The following SMOC2 variants were observed in gnomAD, a reference collection of about 807,000 sequenced individuals.
SMOC2 encodes the protein SPARC-related modular calcium-binding protein 2.
Under a neutral mutation model 61.4 loss-of-function variants are expected in SMOC2, and 39 were observed. The ratio of observed to expected loss-of-function variants is 0.64; its 90% CI spans 0.49 to 0.83. SMOC2 has a LOEUF of 0.83. Among genes scored for constraint, SMOC2 ranks in the 40% least tolerant of loss-of-function variants. The pLI, the probability that SMOC2 is intolerant of heterozygous loss-of-function variation, is 0.00. For synonymous variants in SMOC2, 247 were observed against 239.9 expected, an observed-to-expected ratio of 1.03 and a Z score of -0.27; for missense variants, 556 against 592.9, an observed-to-expected ratio of 0.94 and a Z score of 0.65.
intron 9 of SMOC2, among the ~76,000 whole-genome samples, chr6:168,623,348 T>TTTTTTTTG (rs1786294156): frequency 2.0e-5 from 3 of 148,534 alleles, no homozygotes; most frequent in Non-Finnish European, 3.0e-5. Flanking sequence ...TTTTTTTTTT[T>TTTTTTTTG]GAGACAGAGT....
chr6:168,554,769 C>T (rs1784208002), intron 7 of SMOC2, among the ~76,000 whole-genome samples: 1 of 152,172 alleles, frequency 6.6e-6, no homozygotes, highest in Admixed American at 6.5e-5. Flanking sequence ...CCTGATGGAG[C>T]CATGCTGCCA....
At chr6:168,456,170 TCTG>T (rs1182118059) in intron 1 of SMOC2, among the ~76,000 whole-genome samples, 3 of 152,260 alleles carry the variant, frequency 2.0e-5, no homozygotes, top group Non-Finnish European at 4.4e-5. Context: ...AGTGACTTCA[TCTG>T]CTTCTGGTTC....
rs144544601 is a variant in SMOC2 at position 168,494,854 on chromosome 6, T to C, written c.85-15061T>C. 3.7e-3 allele frequency among the ~76,000 whole-genome samples: 564 copies of C among 152,304 alleles called. 5 individuals carry two copies. Among genetic ancestry groups the C allele is most frequent in the Middle Eastern group, 6.8e-3 (2 of 294 alleles). ...CTGCTGGGATGGAATCACAGCCTTGTCTAAGTGCACTGGGCCTGGGAGGGC... is the reference window on the plus strand; with the variant it reads ...CTGCTGGGATGGAATCACAGCCTTGCCTAAGTGCACTGGGCCTGGGAGGGC... On this transcript the variant is annotated intron_variant, in intron 1 of 12. Coordinates refer to ENST00000356284, the MANE Select transcript of SMOC2 (RefSeq NM_001166412.2).
chr6:168,553,007 C>T lies in SMOC2; in HGVS notation c.637+3804C>T, dbSNP rs892171879. On this transcript the variant is annotated intron_variant, in intron 7 of 12. Transcript: ENST00000356284. The surrounding 1 kb of genome is among the most constrained non-coding windows in gnomAD (Gnocchi z 4.2). ...AAGATTTGTACCAGCATATGTTCCA[C>T]GGGCCCTACTGTAGCATCATTACTC... 5.3e-5 allele frequency among the ~76,000 whole-genome samples: 8 copies of T among 152,120 alleles called. No homozygotes were observed. The East Asian group carries it at 5.8e-4, about 11-fold the overall frequency.
chr6:168,547,868 G>A (rs911817108), intron 6 of SMOC2, among the ~76,000 whole-genome samples: 25 of 152,056 alleles, frequency 1.6e-4, no homozygotes, highest in African/African-American at 4.3e-4. Context: ...TGAGGGTTTC[G>A]TTAAATACAC....
At chr6:168,552,900 C>T (rs992761961) in intron 7 of SMOC2, among the ~76,000 whole-genome samples, 1 of 150,646 alleles carries the variant, frequency 6.6e-6, no homozygotes, top group African/African-American at 2.4e-5. Context: ...CACTGTCCTC[C>T]GAGATGCTCT....
chr6:168,553,113 G>A lies in SMOC2; in HGVS notation c.637+3910G>A, dbSNP rs530640755. Among the ~76,000 whole-genome samples the A allele has an allele frequency of 6.6e-6, 1 of 152,260 alleles. No homozygotes were observed. The highest frequency in any genetic ancestry group is 2.1e-4 in the South Asian group (1 of 4,826). On this transcript the variant is annotated intron_variant, in intron 7 of 12. Coordinates refer to ENST00000356284, the MANE Select transcript of SMOC2 (RefSeq NM_001166412.2). This position sits in a 1 kb window ranked among gnomAD's most constrained non-coding sequence, Gnocchi z 4.2. Reference sequence around the variant, plus strand: ...AAAAGAGAGAATCTAGGCACCCCTAGAGGTTGCCTATTAGACTTATATTGA... The same window carrying A: ...AAAAGAGAGAATCTAGGCACCCCTAAAGGTTGCCTATTAGACTTATATTGA...
chr6:168,613,726 C>A (rs541335564), intron 9 of SMOC2, among the ~76,000 whole-genome samples: 3 of 120,320 alleles, frequency 2.5e-5, no homozygotes, highest in South Asian at 3.1e-4. Context: ...CCTCTTCACA[C>A]CTACAGCCAG....
chr6:168,527,870 C>T (rs575215069), intron 4 of SMOC2, 143 bp downstream of exon 4: 52 of 647,644 alleles, frequency 8.0e-5, no homozygotes, highest in African/African-American at 4.5e-4. Flanking sequence ...GAATAGATCT[C>T]GTCACTGACA....
Position 168,535,843 on chromosome 6 carries a change from C to T in SMOC2, c.464-7782C>T, listed in dbSNP as rs537084296. On this transcript the variant is annotated intron_variant, in intron 4 of 12. Coordinates refer to ENST00000356284, the MANE Select transcript of SMOC2 (RefSeq NM_001166412.2). This position sits in a 1 kb window ranked among gnomAD's most constrained non-coding sequence, Gnocchi z 4.6. ...GATCCTGGGGACACGTGAGGAATAA[C>T]GCAGCAGTGATGCAGCTTCACGGCA... Among the ~76,000 whole-genome samples, 33 of 151,328 alleles carry T rather than the reference C, an allele frequency of 2.2e-4. No homozygotes were observed. The South Asian group carries it at 6.7e-3, about 31-fold the overall frequency.
At chr6:168,483,371 TAATC>T (rs1782255814) in intron 1 of SMOC2, among the ~76,000 whole-genome samples, 1 of 152,054 alleles carries the variant, frequency 6.6e-6, no homozygotes, top group South Asian at 2.1e-4. Flanking sequence ...TGCTTTGGAA[TAATC>T]AAATAATGTG....
chr6:168,529,333 G>A (rs76353381), intron 4 of SMOC2, among the ~76,000 whole-genome samples: 1 of 152,192 alleles, frequency 6.6e-6, no homozygotes, highest in African/African-American at 2.4e-5. Flanking sequence ...AGGAAGCCAG[G>A]CGTGCGAGAT....
intron 9 of SMOC2, among the ~76,000 whole-genome samples, chr6:168,639,696 C>A (rs1373200386): frequency 1.3e-5 from 2 of 152,168 alleles, no homozygotes; most frequent in African/African-American, 2.4e-5. Flanking sequence ...GGAATGCGTT[C>A]GATTCCATCA....
intron 1 of SMOC2, among the ~76,000 whole-genome samples, chr6:168,458,975 A>G (rs1781655730): frequency 6.6e-6 from 1 of 152,226 alleles, no homozygotes; most frequent in African/African-American, 2.4e-5. Context: ...GTTGTCATCA[A>G]CAGTGTGGAA....
At chr6:168,460,202 C>G (rs1781689431) in intron 1 of SMOC2, among the ~76,000 whole-genome samples, 1 of 152,096 alleles carries the variant, frequency 6.6e-6, no homozygotes, top group African/African-American at 2.4e-5. Context: ...TTTAAATGAC[C>G]TCAAAACTCC....
intron 7 of SMOC2, among the ~76,000 whole-genome samples, chr6:168,575,913 G>T (rs1312856127): frequency 6.6e-6 from 1 of 151,122 alleles, no homozygotes; most frequent in Non-Finnish European, 1.5e-5. Flanking sequence ...GCCCTCCCAA[G>T]CACCCAGGTG....
chr6:168,626,040 A>G (rs116947079), intron 9 of SMOC2, among the ~76,000 whole-genome samples: 18 of 152,342 alleles, frequency 1.2e-4, no homozygotes, highest in Non-Finnish European at 2.4e-4. Flanking sequence ...TAAGAAAGCT[A>G]AGAGGCCAGC....
intron 9 of SMOC2, among the ~76,000 whole-genome samples, chr6:168,643,993 A>C (rs1340621007): frequency 1.3e-5 from 2 of 152,194 alleles, no homozygotes; most frequent in Non-Finnish European, 2.9e-5. Flanking sequence ...ATGCTCTTTG[A>C]AGAGTGCTGG....
chr6:168,616,291 A>G (rs994888891), intron 9 of SMOC2, among the ~76,000 whole-genome samples: 4 of 152,238 alleles, frequency 2.6e-5, no homozygotes, highest in African/African-American at 9.6e-5. Flanking sequence ...TAGGTGAGCT[A>G]TCTGCACTCT....
Sources: gnomAD v4.1 joint callset for allele counts (sites outside exome capture counted in the v4.1 genomes callset) on GRCh38, gnomAD v4.1.1 for gene constraint, Gnocchi (gnomAD v3.1) non-coding constraint, MANE v1.5 for transcripts, NCBI Gene and HGNC (gene_info 2026-07-23, HGNC 2026-07-21) for gene names.